The following ERBB4 variants were observed in gnomAD, a reference collection of about 807,000 sequenced individuals.
The protein encoded by ERBB4 is receptor tyrosine-protein kinase erbB-4.
In ERBB4, 42 loss-of-function variants were observed where a neutral mutation model predicts 158.0. That is an observed-to-expected ratio of 0.27 (90% CI 0.21 to 0.34). The LOEUF is 0.34. ERBB4 is among the 10% of genes least tolerant of loss of function. The probability of loss-of-function intolerance (pLI) is 1.00; values close to 1 mark genes in which losing one functional copy is unlikely to be tolerated. For synonymous variants in ERBB4, 583 were observed against 558.7 expected (o/e 1.04, Z -0.61); for missense variants, 1,333 against 1,624.1 (o/e 0.82, Z 3.08).
intron 1 of ERBB4, among the ~76,000 whole-genome samples, chr2:212,222,304 G>T (rs1412600682): frequency 1.3e-5 from 2 of 151,374 alleles, no homozygotes; most frequent in Non-Finnish European, 3.0e-5. Context: ...CATTCTAATT[G>T]CTGTCAATAT....
chr2:212,180,627 C>T (rs2081829005), intron 1 of ERBB4, among the ~76,000 whole-genome samples: 1 of 151,670 alleles, frequency 6.6e-6, no homozygotes, highest in African/African-American at 2.4e-5. Context: ...ATGGAAGATT[C>T]AACTTAAAAT....
intron 18 of ERBB4, among the ~76,000 whole-genome samples, chr2:211,622,576 A>G (rs925913759): frequency 6.6e-6 from 1 of 150,380 alleles, no homozygotes; most frequent in South Asian, 2.1e-4. Context: ...TTTAAATAGA[A>G]AAAAATGAAT....
Position 212,398,166 on chromosome 2 carries a change from T to G in ERBB4, c.82+140283A>C, listed in dbSNP as rs570774950. The stretch of plus-strand genomic sequence containing the variant: ...TATATACACACATATATATGTATTA[T>G]AACCTCAAAGTTGGAAAAGAGAATG... On this transcript the variant is annotated intron_variant, in intron 1 of 27. Coordinates refer to ENST00000342788, the MANE Select transcript of ERBB4 (RefSeq NM_005235.3). Among the ~76,000 whole-genome samples, 33 of 151,944 alleles carry G rather than the reference T, an allele frequency of 2.2e-4. No homozygotes were observed. In the South Asian group the frequency reaches 6.6e-3, roughly 31 times the overall value.
intron 3 of ERBB4, among the ~76,000 whole-genome samples, chr2:211,848,650 T>C (rs1167522789): frequency 6.6e-6 from 1 of 151,986 alleles, no homozygotes; most frequent in Non-Finnish European, 1.5e-5. Flanking sequence ...TACAAAACCA[T>C]ATTGGTCTTT....
intron 3 of ERBB4, among the ~76,000 whole-genome samples, chr2:211,888,718 G>A (rs998292442): frequency 6.6e-5 from 10 of 151,742 alleles, no homozygotes; most frequent in Admixed American, 2.0e-4. Context: ...GAAGCAGGGC[G>A]AGGCATTGCC....
At chr2:211,510,716 T>A (rs1231836711) in intron 20 of ERBB4, among the ~76,000 whole-genome samples, 1 of 152,116 alleles carries the variant, frequency 6.6e-6, no homozygotes, top group Admixed American at 6.5e-5. Context: ...ACTCATTTCA[T>A]CATTTTAGTA....
intron 3 of ERBB4, among the ~76,000 whole-genome samples, chr2:211,885,788 A>T (rs2078784028): frequency 6.6e-6 from 1 of 152,122 alleles, no homozygotes. Context: ...GCATTTCATC[A>T]TCTTCTATCA....
chr2:211,583,329 T>A (rs1478034930), intron 19 of ERBB4, among the ~76,000 whole-genome samples: 1 of 151,946 alleles, frequency 6.6e-6, no homozygotes, highest in South Asian at 2.1e-4. Context: ...TAAAAAACAT[T>A]GTTATTTGGT....
At chr2:211,969,277 T>A (rs1374372369) in intron 2 of ERBB4, among the ~76,000 whole-genome samples, 4 of 152,030 alleles carry the variant, frequency 2.6e-5, no homozygotes, top group African/African-American at 9.7e-5. Context: ...CAGAAGGGTC[T>A]GAGCAATGTT....
intron 1 of ERBB4, among the ~76,000 whole-genome samples, chr2:212,360,799 T>C (rs182311624): frequency 6.6e-6 from 1 of 151,704 alleles, no homozygotes; most frequent in South Asian, 2.1e-4. Context: ...AATTCTTCAC[T>C]TTTTTTCCTT....
chr2:212,389,869 T>C (rs2090798738), intron 1 of ERBB4, among the ~76,000 whole-genome samples: 1 of 151,904 alleles, frequency 6.6e-6, no homozygotes, highest in Non-Finnish European at 1.5e-5. Context: ...ATTCAGCTGA[T>C]GTTATTAAAA....
intron 25 of ERBB4, among the ~76,000 whole-genome samples, chr2:211,406,550 G>A (rs1291741232): frequency 6.6e-6 from 1 of 152,032 alleles, no homozygotes; most frequent in Non-Finnish European, 1.5e-5. Context: ...AATGTACTGA[G>A]TACTGATCTT....
At chr2:212,164,508 C>T (rs12466141) in intron 1 of ERBB4, among the ~76,000 whole-genome samples, 16,712 of 151,608 alleles carry the variant, frequency 0.11, 1,190 homozygotes, top group South Asian at 0.27. Flanking sequence ...TATTTAAATA[C>T]AATGTATCCT....
intron 1 of ERBB4, among the ~76,000 whole-genome samples, chr2:212,147,741 A>T (rs138843630): frequency 1.0e-3 from 157 of 152,346 alleles, no homozygotes; most frequent in African/African-American, 3.6e-3. Flanking sequence ...AAATTTTGTT[A>T]GTTTGAGAAA....
chr2:211,937,426 C>T (rs1230442143), intron 3 of ERBB4, among the ~76,000 whole-genome samples: 2 of 152,038 alleles, frequency 1.3e-5, no homozygotes, highest in African/African-American at 4.8e-5. Flanking sequence ...TAATAATTAT[C>T]TTCTATTAAC....
intron 1 of ERBB4, among the ~76,000 whole-genome samples, chr2:212,137,748 C>T (rs1177051321): frequency 6.6e-6 from 1 of 152,100 alleles, no homozygotes; most frequent in Non-Finnish European, 1.5e-5. Flanking sequence ...GGAATCAACA[C>T]ACTGTCTTCC....
chr2:211,388,816 A>T (rs968478590), intron 25 of ERBB4, among the ~76,000 whole-genome samples: 1 of 152,204 alleles, frequency 6.6e-6, no homozygotes, highest in Non-Finnish European at 1.5e-5. Flanking sequence ...AAGGAAAAGG[A>T]GTTGTATAAT....
chr2:212,388,477 C>T (rs2090751165), intron 1 of ERBB4, among the ~76,000 whole-genome samples: 1 of 152,022 alleles, frequency 6.6e-6, no homozygotes, highest in Non-Finnish European at 1.5e-5. Context: ...TCTCAGAGTT[C>T]TTCGTGCTGT....
chr2:212,312,419 T>A (rs2087089125), intron 1 of ERBB4, among the ~76,000 whole-genome samples: 1 of 150,998 alleles, frequency 6.6e-6, no homozygotes. Context: ...GTATTATCCA[T>A]CTTCCAATTA....
Sources: allele counts gnomAD v4.1 joint callset (sites outside exome capture counted in the v4.1 genomes callset), GRCh38; gene constraint gnomAD v4.1.1; transcripts MANE v1.5; gene names NCBI Gene and HGNC (gene_info 2026-07-23, HGNC 2026-07-21).